ZNFX1: variants seen among roughly 807,000 people sequenced by gnomAD.
The protein encoded by ZNFX1 is NFX1-type zinc finger-containing protein 1.
In ZNFX1, 78 loss-of-function variants were observed where a neutral mutation model predicts 179.8. That is an observed-to-expected ratio of 0.43 (90% CI 0.36 to 0.52). The LOEUF (loss-of-function observed/expected upper bound fraction) is 0.52. ZNFX1 is among the 20% of genes least tolerant of loss of function. The pLI is 0.00. For missense variants in ZNFX1, 1,927 were observed against 2,386.6 expected (o/e 0.81, Z 4.01); for synonymous variants, 848 against 868.5 (o/e 0.98, Z 0.42).
At chr20:49,276,451 T>C (rs1207063650) in intron 1 of ZNFX1, among the ~76,000 whole-genome samples, 1 of 152,232 alleles carries the variant, frequency 6.6e-6, no homozygotes, top group Non-Finnish European at 1.5e-5. Flanking sequence ...CTCTCTGCTC[T>C]ACTGAATCAA....
At chr20:49,256,104 G>A in intron 8 of ZNFX1, 157 bp from the exon 9 acceptor site, 1 of 922,732 alleles carries the variant, frequency 1.1e-6, no homozygotes, top group Admixed American at 3.2e-5. Flanking sequence ...CTGTAGAGTG[G>A]CTAAACAAGG....
chr20:49,247,379 G>A lies in ZNFX1; in HGVS notation c.5645C>T (p.Thr1882Ile), dbSNP rs1193301189. The change falls in exon 14 of 14, where the codon ACT becomes ATT. Residue 1882 changes from threonine (T) to isoleucine (I), a missense_variant. Transcript: ENST00000396105. ...CKEVIGGTNH[T>I]LERSNQLASE... ...AGCAAGCTGGTTGCTTCTTTCCAGAGTATGATTTGTGCCACCAATCACTTC... is the reference window on the plus strand; with the variant it reads ...AGCAAGCTGGTTGCTTCTTTCCAGAATATGATTTGTGCCACCAATCACTTC... 6.2e-7 allele frequency: 1 copy of A among 1,614,034 alleles called. No homozygotes were observed. Among genetic ancestry groups the A allele is most frequent in the South Asian group, 1.1e-5 (1 of 91,090 alleles).
chr20:49,260,789 A>G (rs913973823), intron 6 of ZNFX1, among the ~76,000 whole-genome samples: 8 of 149,820 alleles, frequency 5.3e-5, no homozygotes, highest in African/African-American at 2.0e-4. Context: ...AAAAAGAGAG[A>G]AAAAAAAAAG....
chr20:49,253,898 A>G lies in ZNFX1; in HGVS notation c.2960-87T>C, dbSNP rs534263768. On this transcript the variant is annotated intron_variant, in intron 10 of 13. Transcript: ENST00000396105. ...TGGGCCTCTGGGAATCCACTTCTGT[A>G]TCTTCCCTGAACCTGCATCAGCGAC... 5.3e-6 allele frequency: 8 copies of G among 1,500,428 alleles called. No homozygotes were observed. The Middle Eastern group carries it at 9.9e-4, about 186-fold the overall frequency. 92.9% of individuals were successfully genotyped at this position (1,500,428 alleles called of 1,614,324 possible).
chr20:49,249,860 TTTAG>T (rs1462217087), intron 13 of ZNFX1, 149 bp from the exon 14 acceptor site: 10 of 757,566 alleles, frequency 1.3e-5, no homozygotes, highest in African/African-American at 1.1e-4. Flanking sequence ...TCTTTAGTTC[TTTAG>T]TTAGTCATTG....
At position 49,271,034 on chromosome 20, in the gene ZNFX1, C is replaced by T; in HGVS notation, c.778G>A (p.Ala260Thr). The change falls in exon 3 of 14, where the codon GCC (alanine) becomes ACC (threonine). Residue 260 changes from alanine to threonine, a missense_variant. Ala to Thr is a moderately conservative substitution (Grantham distance 58). Transcript: ENST00000396105. Reference protein sequence around the residue: ...LLQDLVSVFPASSVQETSMLV... With the variant: ...LLQDLVSVFPTSSVQETSMLV... The stretch of plus-strand genomic sequence containing the variant: ...ATGGAAGTTTCCTGCACAGAGCTGG[C>T]AGGGAAGACACTTACAAGGTCCTGG... 1 of 1,614,112 alleles carries T rather than the reference C, an allele frequency of 6.2e-7. No individual in the cohort carries two copies. Among genetic ancestry groups the T allele is most frequent in the Non-Finnish European group, 8.5e-7 (1 of 1,180,000 alleles).
At chr20:49,249,733 ATGTTAAAAGGTTCACTCATGGCACT>A (rs1294516550) in intron 13 of ZNFX1, 22 bp from the exon 14 acceptor site, 13 of 1,594,224 alleles carry the variant, frequency 8.2e-6, no homozygotes, top group Non-Finnish European at 1.1e-5. Context: ...AAGAAGTGAC[ATGTTAAAAGGTTCACTCATGGCACT>A]TGTTTTTTTC....
In ZNFX1 at chr20:49,248,602, C is replaced by A; in HGVS notation, c.4422G>T (p.Lys1474Asn). The change falls in exon 14 of 14, where the codon AAG (lysine) becomes AAT (asparagine). Residue 1474 changes from lysine to asparagine, a missense_variant. Coordinates refer to ENST00000396105, the MANE Select transcript of ZNFX1 (RefSeq NM_021035.3). This position sits in a 1 kb window ranked among gnomAD's most constrained non-coding sequence, Gnocchi z 4.6. ...ACTCACCAATGCATGGTTCCTGGCA[C>A]TTGTGTGAGCAGATAAGCAGGCGCT... ...PCKRLLICSH[K>N]CQEPCIGECP... The A allele has an allele frequency of 6.2e-7, 1 of 1,614,166 alleles. No individual in the cohort carries two copies. Among genetic ancestry groups the A allele is most frequent in the Non-Finnish European group, 8.5e-7 (1 of 1,180,044 alleles).
intron 2 of ZNFX1, 83 bp from the exon 3 acceptor site, chr20:49,271,833 T>C: frequency 6.8e-7 from 1 of 1,473,928 alleles, no homozygotes; most frequent in African/African-American, 1.4e-5. Flanking sequence ...GTGCTTTCAT[T>C]TTCCAAAATA....
intron 12 of ZNFX1, among the ~76,000 whole-genome samples, chr20:49,252,051 A>G (rs946849403): frequency 6.6e-6 from 1 of 151,868 alleles, no homozygotes; most frequent in African/African-American, 2.4e-5. Flanking sequence ...GAGGCTGGTC[A>G]CGAGCTCCTG....
Position 49,271,626 on chromosome 20 carries a change from A to C in ZNFX1, c.186T>G (p.Ala62=). ...TAAATCTCTCTTCCCTCTGCCAGTA[A>C]GCAGCAGGATGGTTGTTGGCCCTAG... is the stretch of plus-strand genomic sequence containing the variant. ...RHPRANNHPA[A]YWQREERFRA... The change falls in exon 3 of 14, where the codon GCT becomes GCG. Residue 62 remains alanine, a synonymous_variant. Transcript: ENST00000396105. 1 of 1,613,940 alleles carries C rather than the reference A, an allele frequency of 6.2e-7. No homozygotes were observed. Among genetic ancestry groups the C allele is most frequent in the South Asian group, 1.1e-5 (1 of 91,074 alleles).
intron 5 of ZNFX1, 135 bp from the exon 6 acceptor site, chr20:49,263,618 C>T: frequency 9.4e-7 from 1 of 1,066,002 alleles, no homozygotes; most frequent in Non-Finnish European, 1.3e-6. Flanking sequence ...GTCAACAAAC[C>T]AATTTCCCAA....
chr20:49,275,556 C>G (rs552490958), intron 2 of ZNFX1, among the ~76,000 whole-genome samples: 1 of 152,180 alleles, frequency 6.6e-6, no homozygotes, highest in African/African-American at 2.4e-5. Flanking sequence ...AGCCTATTGC[C>G]ATGTTGCCCA....
At position 49,247,929 on chromosome 20, in the gene ZNFX1, G is replaced by C; in HGVS notation, c.5095C>G (p.Leu1699Val). The C allele has an allele frequency of 6.2e-7, 1 of 1,614,022 alleles. No homozygotes were observed. Among genetic ancestry groups the C allele is most frequent in the Non-Finnish European group, 8.5e-7 (1 of 1,179,986 alleles). ...CTGATGTAATTCTCAACCAGACCCA[G>C]GTCCTTCACTGACAGATTTTTCTGG... ...LAQKNLSVKD[L>V]GLVENYISFY... The change falls in exon 14 of 14, where the codon CTG becomes GTG. Residue 1699 changes from leucine (L) to valine (V), a missense_variant. Coordinates refer to ENST00000396105, the MANE Select transcript of ZNFX1 (RefSeq NM_021035.3).
intron 7 of ZNFX1, among the ~76,000 whole-genome samples, chr20:49,259,135 T>C (rs1389290172): frequency 7.0e-6 from 1 of 142,720 alleles, no homozygotes; most frequent in South Asian, 2.2e-4. Context: ...AATAAATAAA[T>C]AAATAAAATA....
At chr20:49,251,682 T>C in intron 12 of ZNFX1, 60 bp from the exon 13 acceptor site, 2 of 1,452,066 alleles carry the variant, frequency 1.4e-6, no homozygotes, top group South Asian at 2.4e-5. Context: ...ACAATTTCTT[T>C]AAAGATAAGG....
At chr20:49,263,508 T>C in intron 5 of ZNFX1, 25 bp from the exon 6 acceptor site, 2 of 1,557,748 alleles carry the variant, frequency 1.3e-6, no homozygotes, top group Non-Finnish European at 1.7e-6. Context: ...GGGAAAGAAA[T>C]GATGAGGAAA....
In ZNFX1 at chr20:49,249,542, G is replaced by C; in HGVS notation, c.3482C>G (p.Thr1161Ser). 6.2e-7 allele frequency: 1 copy of C among 1,614,258 alleles called. No homozygotes were observed. Among genetic ancestry groups the C allele is most frequent in the Non-Finnish European group, 8.5e-7 (1 of 1,180,046 alleles). Residue 1161 changes from threonine to serine, a missense_variant, in exon 14 of 14, where the codon ACC becomes AGC. Physicochemically the swap from Thr to Ser is moderately conservative, Grantham distance 58. Transcript: ENST00000396105. The stretch of plus-strand genomic sequence containing the variant: ...TTTGCGCAGGCAGAAGAGCTGCCCG[G>C]TATAGGTAGTGAGGATGGTGATCTG... ...PSQITILTTY[T>S]GQLFCLRKLM...
At chr20:49,272,062 A>G (rs1372578024) in intron 2 of ZNFX1, among the ~76,000 whole-genome samples, 1 of 152,228 alleles carries the variant, frequency 6.6e-6, no homozygotes, top group Non-Finnish European at 1.5e-5. Flanking sequence ...CCAGTACCAA[A>G]TAACAGTCAG....
Sources: allele counts gnomAD v4.1 joint callset (sites outside exome capture counted in the v4.1 genomes callset), GRCh38; gene constraint gnomAD v4.1.1; non-coding constraint Gnocchi (gnomAD v3.1); transcripts MANE v1.5; gene names NCBI Gene and HGNC (gene_info 2026-07-23, HGNC 2026-07-21).